The following CES4A variants were observed in gnomAD, a reference collection of about 807,000 sequenced individuals.
CES4A encodes carboxylesterase 6.
A neutral mutation model predicts 65.4 loss-of-function variants in CES4A; 48 were observed. That is an observed-to-expected ratio of 0.73 (90% CI 0.58 to 0.93). CES4A has a LOEUF of 0.93. Among genes scored for constraint, CES4A ranks in the 40% least tolerant of loss-of-function variants. The probability of loss-of-function intolerance (pLI) is 0.00; values close to 1 mark genes in which losing one functional copy is unlikely to be tolerated. For missense variants in CES4A, 685 were observed against 728.5 expected (o/e 0.94, Z 0.69); for synonymous variants, 247 against 281.8 (o/e 0.88, Z 1.24).
At chr16:66,988,803 C>T in exon 1 of CES4A, 1 of 1,569,712 alleles carries the variant, frequency 6.4e-7, no homozygotes, top group Middle Eastern at 1.7e-4. Context: ...GAGCCTCACC[C>T]TCTGCCTGAT....
At chr16:66,998,673 CCT>C (rs1965050810) in intron 2 of CES4A, among the ~76,000 whole-genome samples, 1 of 152,034 alleles carries the variant, frequency 6.6e-6, no homozygotes, top group South Asian at 2.1e-4. Context: ...TCGAGACCAG[CCT>C]GACCAACATG....
At chr16:67,008,698 C>CCA (rs1965965874) in intron 13 of CES4A, 1 of 346,846 alleles carries the variant, frequency 2.9e-6, no homozygotes, top group Non-Finnish European at 5.3e-6. Context: ...CCAGGCCTGG[C>CCA]CACACACACA....
At chr16:66,989,746 T>G (rs191813062) in intron 1 of CES4A, among the ~76,000 whole-genome samples, 2 of 151,766 alleles carry the variant, frequency 1.3e-5, no homozygotes, top group East Asian at 3.9e-4. Context: ...TCCCAGCTAC[T>G]CAGGAGGCTG....
In CES4A at chr16:67,006,736, T is replaced by C; in HGVS notation, c.1445-9T>C. On this transcript the variant is annotated splice_polypyrimidine_tract_variant and intron_variant, in intron 12 of 13. Coordinates refer to ENST00000648724, the Ensembl canonical transcript of CES4A. ...CTGTCCGAAATCCCACATCCCATTC[T>C]GCCCCCAGGCCTTTCCATGGGTAAG... 1 of 1,613,844 alleles carries C rather than the reference T, an allele frequency of 6.2e-7. No homozygotes were observed.
rs535032788 is a variant in CES4A at position 67,008,564 on chromosome 16, C to CT, written c.1518-401dup. ...TACAGGCACCCGCCACCTCGCCCGG[C>CT]TTTTTTTTTGTATATTTAGTAGAGA... On this transcript the variant is annotated intron_variant, in intron 13 of 13. Transcript: ENST00000648724. 645 of 157,642 alleles carry CT rather than the reference C, an allele frequency of 4.1e-3. 15 individuals are homozygous for CT. The highest frequency in any genetic ancestry group is 0.025 in the Admixed American group (411 of 16,442). 9.8% of individuals were successfully genotyped at this position (157,642 alleles called of 1,614,324 possible).
chr16:67,000,798 G>A lies in CES4A; in HGVS notation c.402+19G>A. ...GCTGCCAGTGAGTGCCAGGTCTCCC[G>A]CGCCCGCGGTCCCACCGCCGCCCAC... On this transcript the variant is annotated intron_variant, in intron 3 of 13. Coordinates refer to ENST00000648724, the Ensembl canonical transcript of CES4A. The surrounding 1 kb of genome is among the most constrained non-coding windows in gnomAD (Gnocchi z 4.2). The A allele has an allele frequency of 6.5e-7, 1 of 1,550,154 alleles. No individual in the cohort carries two copies. Among genetic ancestry groups the A allele is most frequent in the Non-Finnish European group, 8.7e-7 (1 of 1,146,060 alleles).
chr16:67,004,018 C>G, intron 8 of CES4A, 66 bp from the exon 9 acceptor site: 1 of 1,578,442 alleles, frequency 6.3e-7, no homozygotes, highest in Non-Finnish European at 8.7e-7. Context: ...GAAGGGGCAC[C>G]CAAGGTTGCA....
chr16:66,992,928 C>T (rs1399306050), intron 1 of CES4A, among the ~76,000 whole-genome samples: 1 of 152,132 alleles, frequency 6.6e-6, no homozygotes, highest in Middle Eastern at 3.4e-3. Flanking sequence ...TCAGGTGATC[C>T]ACCCGCCTCG....
intron 2 of CES4A, among the ~76,000 whole-genome samples, chr16:66,997,172 G>A (rs917752946): frequency 6.6e-6 from 1 of 152,020 alleles, no homozygotes; most frequent in African/African-American, 2.4e-5. Flanking sequence ...TAAGATCCCA[G>A]TTATCCTGAA....
chr16:66,991,172 G>A (rs1249542293), intron 1 of CES4A, among the ~76,000 whole-genome samples: 1 of 151,850 alleles, frequency 6.6e-6, no homozygotes, highest in African/African-American at 2.4e-5. Context: ...TTACAGGCAC[G>A]CACCACCACG....
At chr16:66,988,687 CT>C (rs1567565696) in exon 1 of CES4A, 1 of 1,547,682 alleles carries the variant, frequency 6.5e-7, no homozygotes, top group South Asian at 1.2e-5. Flanking sequence ...TGCTCACACA[CT>C]GTAGACACGG....
chr16:66,995,618 C>T lies in CES4A; in HGVS notation c.59-10C>T, dbSNP rs1964780211. 1 of 1,613,318 alleles carries T rather than the reference C, an allele frequency of 6.2e-7. No individual in the cohort carries two copies. Among genetic ancestry groups the T allele is most frequent in the African/African-American group, 1.3e-5 (1 of 74,934 alleles). On this transcript the variant is annotated splice_polypyrimidine_tract_variant and intron_variant, in intron 1 of 13. Transcript: ENST00000648724. Reference sequence around the variant, plus strand: ...TGAGCAGAGGTGACCCTTTTCCCTTCTCTTCCCAGGTGCCTTGCACACCAA... The same window carrying T: ...TGAGCAGAGGTGACCCTTTTCCCTTTTCTTCCCAGGTGCCTTGCACACCAA...
intron 2 of CES4A, among the ~76,000 whole-genome samples, chr16:66,997,736 C>T (rs948935082): frequency 1.3e-5 from 2 of 151,724 alleles, no homozygotes; most frequent in African/African-American, 2.4e-5. Context: ...TTTGGGAGGC[C>T]GAGGCAGGAA....
intron 1 of CES4A, among the ~76,000 whole-genome samples, chr16:66,995,136 A>C (rs933020820): frequency 2.6e-4 from 39 of 151,794 alleles, no homozygotes; most frequent in South Asian, 2.1e-3. Flanking sequence ...ATGGTGAAAC[A>C]CCGCCTCTAC....
Position 67,003,086 on chromosome 16 carries a change from C to A in CES4A, c.707C>A (p.Ala236Asp). ...TTCTTGCAGATGATGTCACCCCTAGCCTCGGGTCTCTTCCATCGGGCCATT... is the reference window on the plus strand; with the variant it reads ...TTCTTGCAGATGATGTCACCCCTAGACTCGGGTCTCTTCCATCGGGCCATT... The change falls in exon 6 of 14, where the codon GCC becomes GAC. Residue 236 changes from alanine (A) to aspartate (D), a missense_variant. Ala to Asp is a moderately radical substitution (Grantham distance 126). Transcript: ENST00000648724. The surrounding 1 kb of genome is among the most constrained non-coding windows in gnomAD (Gnocchi z 4.2). The A allele has an allele frequency of 6.2e-7, 1 of 1,614,082 alleles. No individual in the cohort carries two copies. The highest frequency in any genetic ancestry group is 1.6e-4 in the Middle Eastern group (1 of 6,062).
At position 67,000,745 on chromosome 16, in the gene CES4A, C is replaced by G; in HGVS notation, c.368C>G (p.Ala123Gly). Residue 123 changes from alanine (A) to glycine (G), a missense_variant, in exon 3 of 14, where the codon GCG becomes GGG. Transcript: ENST00000648724. This position sits in a 1 kb window ranked among gnomAD's most constrained non-coding sequence, Gnocchi z 4.2. Reference sequence around the variant, plus strand: ...GACTGTCTGTACCTGAACGTGTACGCGCCGGCGCGCGCGCCCGGGGATCCC... The same window carrying G: ...GACTGTCTGTACCTGAACGTGTACGGGCCGGCGCGCGCGCCCGGGGATCCC... 1 of 1,549,206 alleles carries G rather than the reference C, an allele frequency of 6.5e-7. No homozygotes were observed. Among genetic ancestry groups the G allele is most frequent in the Non-Finnish European group, 8.7e-7 (1 of 1,146,210 alleles).
chr16:67,006,564 C>T (rs780242565), intron 12 of CES4A, 45 bp downstream of exon 12: 3 of 1,554,468 alleles, frequency 1.9e-6, no homozygotes, highest in South Asian at 2.3e-5. Flanking sequence ...TCCAGTCTCC[C>T]ACCTCTGGAT....
chr16:67,006,016 A>C, intron 11 of CES4A: 1 of 229,990 alleles, frequency 4.3e-6, no homozygotes. Flanking sequence ...GGCTAGGGGA[A>C]CATGTGGGTA....
intron 1 of CES4A, 143 bp downstream of exon 1, chr16:66,988,973 G>A: frequency 1.0e-6 from 1 of 996,594 alleles, no homozygotes; most frequent in Non-Finnish European, 1.4e-6. Flanking sequence ...AGGGTTTCAG[G>A]ACACTAAACC....
Sources: allele counts gnomAD v4.1 joint callset (sites outside exome capture counted in the v4.1 genomes callset), GRCh38; gene constraint gnomAD v4.1.1; non-coding constraint Gnocchi (gnomAD v3.1); transcripts MANE v1.5; gene names NCBI Gene and HGNC (gene_info 2026-07-23, HGNC 2026-07-21).